The following CTIF variants were observed in gnomAD, a reference collection of about 807,000 sequenced individuals.
CTIF encodes CBP80/20-dependent translation initiation factor.
CTIF carries 21 observed loss-of-function variants against 66.0 expected under a neutral mutation model. The observed-to-expected ratio is 0.32, with a 90% confidence interval of 0.23 to 0.46. The LOEUF is 0.46. CTIF is among the 20% of genes least tolerant of loss of function. The pLI, the probability that CTIF is intolerant of heterozygous loss-of-function variation, is 1.00. For missense variants in CTIF, 739 were observed against 812.7 expected (o/e 0.91, Z 1.10); for synonymous variants, 345 against 326.4 (o/e 1.06, Z -0.62).
intron 9 of CTIF, among the ~76,000 whole-genome samples, chr18:48,781,887 C>G (rs2146060177): frequency 6.6e-6 from 1 of 152,312 alleles, no homozygotes; most frequent in East Asian, 1.9e-4. Flanking sequence ...TTATTTATAA[C>G]TGCTCTGCAT....
intron 1 of CTIF, among the ~76,000 whole-genome samples, chr18:48,541,676 A>T (rs1189806075): frequency 6.6e-6 from 1 of 152,202 alleles, no homozygotes; most frequent in Non-Finnish European, 1.5e-5. Context: ...TTACACACAG[A>T]TCACCTCATC....
At chr18:48,838,736 A>G (rs773380480) in intron 10 of CTIF, among the ~76,000 whole-genome samples, 3 of 152,206 alleles carry the variant, frequency 2.0e-5, no homozygotes, top group Non-Finnish European at 4.4e-5. Flanking sequence ...CCCCTTAACC[A>G]GAAGCATATG....
chr18:48,814,012 C>A (rs563354306), intron 9 of CTIF, among the ~76,000 whole-genome samples: 1 of 152,276 alleles, frequency 6.6e-6, no homozygotes, highest in African/African-American at 2.4e-5. Context: ...CCTCAAGCTA[C>A]CCCCTGTCTT....
intron 10 of CTIF, chr18:48,826,927 G>A (rs2068593561): frequency 1.3e-5 from 2 of 152,358 alleles, no homozygotes; most frequent in African/African-American, 2.4e-5. Flanking sequence ...GGAAGGAGGT[G>A]GGGAGCCGCC....
chr18:48,732,264 G>A (rs549972079), intron 7 of CTIF, among the ~76,000 whole-genome samples: 30 of 152,272 alleles, frequency 2.0e-4, no homozygotes, highest in African/African-American at 7.2e-4. Flanking sequence ...CTCAGGATTC[G>A]GGGTACCCAG....
intron 10 of CTIF, among the ~76,000 whole-genome samples, chr18:48,841,812 C>T (rs1348692133): frequency 6.9e-6 from 1 of 145,718 alleles, no homozygotes; most frequent in African/African-American, 2.5e-5. Flanking sequence ...GTGGCCATCT[C>T]GGGTGGGAGG....
Position 48,786,335 on chromosome 18 carries a change from C to G in CTIF, c.1371+24646C>G, listed in dbSNP as rs538140859. On this transcript the variant is annotated intron_variant, in intron 9 of 11. Transcript: ENST00000256413. ...ACCTGAGCCTCACTCAGCAGATGCTCTTAGTGTCTAAGCCCAGCGGTGGGC... is the reference window on the plus strand; with the variant it reads ...ACCTGAGCCTCACTCAGCAGATGCTGTTAGTGTCTAAGCCCAGCGGTGGGC... Among the ~76,000 whole-genome samples, 30 of 152,288 alleles carry G rather than the reference C, an allele frequency of 2.0e-4. No homozygotes were observed. In the East Asian group the frequency reaches 5.8e-3, roughly 29 times the overall value.
intron 1 of CTIF, among the ~76,000 whole-genome samples, chr18:48,573,290 G>A (rs1227743180): frequency 1.3e-5 from 2 of 152,178 alleles, no homozygotes; most frequent in Non-Finnish European, 2.9e-5. Flanking sequence ...GGGCTTGGAA[G>A]GCCAGCAGAG....
At chr18:48,782,876 C>T (rs1331900937) in intron 9 of CTIF, among the ~76,000 whole-genome samples, 1 of 152,232 alleles carries the variant, frequency 6.6e-6, no homozygotes, top group East Asian at 1.9e-4. Context: ...CAGCTGCCAC[C>T]ACCCACCCCC....
chr18:48,627,921 T>G (rs993889859), intron 2 of CTIF, among the ~76,000 whole-genome samples: 2 of 151,838 alleles, frequency 1.3e-5, no homozygotes, highest in Non-Finnish European at 2.9e-5. Flanking sequence ...TCAAACGGGA[T>G]CCCTCTGAAT....
chr18:48,577,941 A>G (rs1412760988), intron 1 of CTIF, among the ~76,000 whole-genome samples: 1 of 152,156 alleles, frequency 6.6e-6, no homozygotes, highest in Non-Finnish European at 1.5e-5. Context: ...ACCCCAGGAC[A>G]TTTCCTCACC....
At chr18:48,694,189 G>A (rs908909609) in intron 6 of CTIF, among the ~76,000 whole-genome samples, 1 of 152,232 alleles carries the variant, frequency 6.6e-6, no homozygotes. Flanking sequence ...TGTTTTCTCT[G>A]CAGGCTGTGA....
chr18:48,541,280 C>G (rs1379530858), intron 1 of CTIF, among the ~76,000 whole-genome samples: 1 of 152,184 alleles, frequency 6.6e-6, no homozygotes, highest in Non-Finnish European at 1.5e-5. Context: ...GAGGATTATC[C>G]CCCAGTCCAG....
At chr18:48,598,602 G>A (rs941291099) in intron 1 of CTIF, among the ~76,000 whole-genome samples, 8 of 152,218 alleles carry the variant, frequency 5.3e-5, no homozygotes, top group Non-Finnish European at 8.8e-5. Flanking sequence ...GTATTTGCCA[G>A]CCAGAAGGAT....
At chr18:48,757,493 G>A (rs4939559) in intron 7 of CTIF, among the ~76,000 whole-genome samples, 1 of 152,086 alleles carries the variant, frequency 6.6e-6, no homozygotes, top group Non-Finnish European at 1.5e-5. Flanking sequence ...GTCTGCGTAT[G>A]CATCTTTGCT....
Position 48,672,972 on chromosome 18 carries a change from G to C in CTIF, c.507+2228G>C, listed in dbSNP as rs547013305. Among the ~76,000 whole-genome samples the C allele has an allele frequency of 4.6e-5, 7 of 152,240 alleles. No individual in the cohort carries two copies. In the South Asian group the frequency reaches 1.5e-3, roughly 32 times the overall value. The stretch of plus-strand genomic sequence containing the variant: ...CTCCTTGCTTTCTCACCAGCAGGCG[G>C]TTCCCTCTGCCTAAAATCTCACTCA... On this transcript the variant is annotated intron_variant, in intron 6 of 11. Coordinates refer to ENST00000256413, the MANE Select transcript of CTIF (RefSeq NM_014772.3).
At chr18:48,835,804 G>A (rs1194304040) in intron 10 of CTIF, among the ~76,000 whole-genome samples, 3 of 152,098 alleles carry the variant, frequency 2.0e-5, no homozygotes, top group Admixed American at 6.5e-5. Context: ...GGGAGCTGTC[G>A]GTCATGGTCC....
chr18:48,583,322 T>C (rs955082431), intron 1 of CTIF, among the ~76,000 whole-genome samples: 1 of 152,234 alleles, frequency 6.6e-6, no homozygotes, highest in Admixed American at 6.5e-5. Flanking sequence ...TGAAATTAGA[T>C]GCTGCAGAAA....
chr18:48,817,188 G>A (rs767942487), intron 9 of CTIF, 33 bp from the exon 10 acceptor site: 24 of 1,602,872 alleles, frequency 1.5e-5, no homozygotes, highest in Non-Finnish European at 2.0e-5. Flanking sequence ...CCCCAGCCCC[G>A]GGAGGCTGAC....
Sources: gnomAD v4.1 joint callset for allele counts (sites outside exome capture counted in the v4.1 genomes callset) on GRCh38, gnomAD v4.1.1 for gene constraint, MANE v1.5 for transcripts, NCBI Gene and HGNC (gene_info 2026-07-23, HGNC 2026-07-21) for gene names.